The following SMARCAL1 variants were observed in gnomAD, a reference collection of about 807,000 sequenced individuals.
SMARCAL1 encodes the protein ATP-driven annealing helicase.
In SMARCAL1, 58 loss-of-function variants were observed where a neutral mutation model predicts 94.5. That is an observed-to-expected ratio of 0.61 (90% CI 0.50 to 0.76). The LOEUF is 0.76. Among genes scored for constraint, SMARCAL1 ranks in the 30% least tolerant of loss-of-function variants. The probability of loss-of-function intolerance (pLI) is 0.00; values close to 1 mark genes in which losing one functional copy is unlikely to be tolerated. For missense variants in SMARCAL1, 1,051 were observed against 1,177.9 expected (o/e 0.89, Z 1.58); for synonymous variants, 422 against 455.1 (o/e 0.93, Z 0.93).
chr2:216,482,681 G>C lies in SMARCAL1; in HGVS notation c.2626-57G>C. The C allele has an allele frequency of 6.2e-7, 1 of 1,613,292 alleles. No individual in the cohort carries two copies. Among genetic ancestry groups the C allele is most frequent in the Admixed American group, 1.7e-5 (1 of 60,012 alleles). ...CTCTCATCAGCCCTAGTGGAGGAGA[G>C]TCAGTGTTGGAGCCTGGGCTCTTCC... On this transcript the variant is annotated intron_variant, in intron 17 of 17. Transcript: ENST00000357276. This position sits in a 1 kb window ranked among gnomAD's most constrained non-coding sequence, Gnocchi z 4.3.
intron 12 of SMARCAL1, among the ~76,000 whole-genome samples, chr2:216,462,123 C>T (rs1694719764): frequency 6.6e-6 from 1 of 152,220 alleles, no homozygotes; most frequent in African/African-American, 2.4e-5. Context: ...ACCATCCCAC[C>T]AGTCAAGTAT....
rs781763742 is a variant in SMARCAL1, at chr2:216,475,436, GT to G, written c.2416del (p.Trp806GlyfsTer6). On this transcript the variant is annotated frameshift_variant, in exon 15 of 18. Coordinates refer to ENST00000357276, the MANE Select transcript of SMARCAL1 (RefSeq NM_014140.4). LOFTEE classifies it high-confidence loss of function. The surrounding 1 kb of genome is among the most constrained non-coding windows in gnomAD (Gnocchi z 4.4). ...CTGACCTGGTGGTGTTTGCTGAGCT[GT>G]TTTGGAACCCAGGGGTAAGAGACGC... ...SADLVVFAEL[F>X]WNPGVLIQAE... The G allele has an allele frequency of 3.7e-6, 6 of 1,614,214 alleles. No individual in the cohort carries two copies. The highest frequency in any genetic ancestry group is 5.1e-6 in the Non-Finnish European group (6 of 1,180,034).
At chr2:216,445,299 G>A (rs901298819) in intron 10 of SMARCAL1, among the ~76,000 whole-genome samples, 1 of 137,496 alleles carries the variant, frequency 7.3e-6, no homozygotes, top group African/African-American at 2.9e-5. Context: ...CATTACAGAC[G>A]AGATGCCATT....
At chr2:216,473,847 C>T (rs2106084221) in intron 14 of SMARCAL1, among the ~76,000 whole-genome samples, 1 of 152,190 alleles carries the variant, frequency 6.6e-6, no homozygotes, top group East Asian at 1.9e-4. Flanking sequence ...GAGCATTTTT[C>T]TTTGGGAAAT....
At position 216,475,042 on chromosome 2, in the gene SMARCAL1, C is replaced by T. The variant is rs949659712; in HGVS notation, c.2245-227C>T. On this transcript the variant is annotated intron_variant, in intron 14 of 17. Coordinates refer to ENST00000357276, the MANE Select transcript of SMARCAL1 (RefSeq NM_014140.4). This position sits in a 1 kb window ranked among gnomAD's most constrained non-coding sequence, Gnocchi z 4.4. The stretch of plus-strand genomic sequence containing the variant: ...TAGTTTTTATAGAATGTTACCACTG[C>T]AGGAAACTGGGCAAAGGCCTAAGAG... 1.3e-5 allele frequency among the ~76,000 whole-genome samples: 2 copies of T among 152,198 alleles called. No homozygotes were observed. Among genetic ancestry groups the T allele is most frequent in the African/African-American group, 4.8e-5 (2 of 41,460 alleles).
In SMARCAL1 at chr2:216,467,992, A is replaced by G. The variant is rs749148655; in HGVS notation, c.2190A>G (p.Val730=). The G allele has an allele frequency of 2.5e-6, 4 of 1,614,020 alleles. No individual in the cohort carries two copies. The highest frequency in any genetic ancestry group is 1.7e-6 in the Non-Finnish European group (2 of 1,179,882). ...LLESGREKFL[V]FAHHKVVLDA... ...AAAGTGGAAGAGAGAAGTTTTTAGT[A>G]TTTGCACACCATAAGGTGGTCCTGG... The change falls in exon 14 of 18, where the codon GTA becomes GTG. Residue 730 remains valine (V), a synonymous_variant. Coordinates refer to ENST00000357276, the MANE Select transcript of SMARCAL1 (RefSeq NM_014140.4).
At chr2:216,461,018 T>C (rs1453733556) in intron 12 of SMARCAL1, among the ~76,000 whole-genome samples, 2 of 151,806 alleles carry the variant, frequency 1.3e-5, no homozygotes, top group East Asian at 3.9e-4. Context: ...GAATGGTATG[T>C]ACAATAAAAT....
At position 216,415,064 on chromosome 2, in the gene SMARCAL1, T is replaced by C; in HGVS notation, c.360T>C (p.Thr120=). 1 of 1,614,250 alleles carries C rather than the reference T, an allele frequency of 6.2e-7. No individual in the cohort carries two copies. Among genetic ancestry groups the C allele is most frequent in the East Asian group, 2.2e-5 (1 of 44,890 alleles). ...GTCCACGTAGTCAAATGGCTCTCACTGGAATCTCTCCTCCCTTGGCACAAA... is the reference window on the plus strand; with the variant it reads ...GTCCACGTAGTCAAATGGCTCTCACCGGAATCTCTCCTCCCTTGGCACAAA... The part of the protein sequence containing the change: ...GHSPRSQMAL[T]GISPPLAQSP... The change falls in exon 3 of 18, where the codon ACT becomes ACC. Residue 120 remains threonine (T), a synonymous_variant. Coordinates refer to ENST00000357276, the MANE Select transcript of SMARCAL1 (RefSeq NM_014140.4).
At chr2:216,448,425 AT>A (rs1243323488) in intron 11 of SMARCAL1, among the ~76,000 whole-genome samples, 1 of 152,188 alleles carries the variant, frequency 6.6e-6, no homozygotes, top group Non-Finnish European at 1.5e-5. Flanking sequence ...GATAAAATTG[AT>A]TGCCTTTCTT....
chr2:216,468,110 C>A, intron 14 of SMARCAL1, 64 bp downstream of exon 14: 1 of 1,143,780 alleles, frequency 8.7e-7, no homozygotes, highest in Non-Finnish European at 1.3e-6. Context: ...TCTAAGCAGG[C>A]TTAGGTCAGA....
intron 16 of SMARCAL1, among the ~76,000 whole-genome samples, chr2:216,477,652 C>T (rs865890658): frequency 9.9e-5 from 15 of 152,180 alleles, no homozygotes; most frequent in African/African-American, 3.4e-4. Flanking sequence ...GTGGCTTACC[C>T]TGGACTGTGT....
At chr2:216,474,380 T>C (rs1695027291) in intron 14 of SMARCAL1, among the ~76,000 whole-genome samples, 1 of 142,306 alleles carries the variant, frequency 7.0e-6, no homozygotes, top group South Asian at 2.4e-4. Flanking sequence ...CCTCAGGTGA[T>C]CTACCTGCCT....
At position 216,475,537 on chromosome 2, in the gene SMARCAL1, G is replaced by A. The variant is rs942630752; in HGVS notation, c.2427+86G>A. ...AGTGAGTGTCGGTCGGGGAAAGTGT[G>A]GTTTCCCTTTTATCCATTCATTATA... On this transcript the variant is annotated intron_variant, in intron 15 of 17. Coordinates refer to ENST00000357276, the MANE Select transcript of SMARCAL1 (RefSeq NM_014140.4). This position sits in a 1 kb window ranked among gnomAD's most constrained non-coding sequence, Gnocchi z 4.4. 4 of 1,395,382 alleles carry A rather than the reference G, an allele frequency of 2.9e-6. No individual in the cohort carries two copies. The African/African-American group carries it at 5.7e-5, about 20-fold the overall frequency. 86.4% of individuals were successfully genotyped at this position (1,395,382 alleles called of 1,614,324 possible). A position where few individuals can be genotyped will look rare whatever the true frequency, so the allele number is the denominator to read the frequency against.
chr2:216,426,070 C>T (rs969979873), intron 6 of SMARCAL1, among the ~76,000 whole-genome samples: 8 of 152,210 alleles, frequency 5.3e-5, no homozygotes, highest in Non-Finnish European at 1.2e-4. Context: ...CCATGTTGGC[C>T]AGGCTGGTCT....
chr2:216,433,691 G>A (rs1449716127), intron 8 of SMARCAL1, among the ~76,000 whole-genome samples: 2 of 151,946 alleles, frequency 1.3e-5, no homozygotes, highest in East Asian at 1.9e-4. Context: ...TTTTTTTGCT[G>A]TAAATCCAGG....
At chr2:216,469,827 A>G (rs1694923179) in intron 14 of SMARCAL1, among the ~76,000 whole-genome samples, 1 of 152,300 alleles carries the variant, frequency 6.6e-6, no homozygotes, top group African/African-American at 2.4e-5. Flanking sequence ...GGTCATTCAC[A>G]TTTATAATCT....
At chr2:216,417,052 C>T (rs936983673) in intron 4 of SMARCAL1, among the ~76,000 whole-genome samples, 1 of 152,184 alleles carries the variant, frequency 6.6e-6, no homozygotes, top group African/African-American at 2.4e-5. Context: ...CCCCAGCTGC[C>T]ATTTCTACAC....
At position 216,458,169 on chromosome 2, in the gene SMARCAL1, C is replaced by A. The variant is rs561636690; in HGVS notation, c.2071-6428C>A. Among the ~76,000 whole-genome samples the A allele has an allele frequency of 5.2e-3, 787 of 152,188 alleles. 6 individuals carry two copies. Among genetic ancestry groups the A allele is most frequent in the Middle Eastern group, 0.01 (3 of 294 alleles). ...AATCTCTGAATAGACCAATAACAGG[C>A]TCTGAAATTGAGGCAATAATTAATA... On this transcript the variant is annotated intron_variant, in intron 12 of 17. Coordinates refer to ENST00000357276, the MANE Select transcript of SMARCAL1 (RefSeq NM_014140.4).
In SMARCAL1 at chr2:216,482,679, G is replaced by A; in HGVS notation, c.2626-59G>A. 6.2e-7 allele frequency: 1 copy of A among 1,612,666 alleles called. No individual in the cohort carries two copies. Among genetic ancestry groups the A allele is most frequent in the Non-Finnish European group, 8.5e-7 (1 of 1,178,908 alleles). On this transcript the variant is annotated intron_variant, in intron 17 of 17. Transcript: ENST00000357276. The surrounding 1 kb of genome is among the most constrained non-coding windows in gnomAD (Gnocchi z 4.3). ...TTCTCTCATCAGCCCTAGTGGAGGAGAGTCAGTGTTGGAGCCTGGGCTCTT... is the reference window on the plus strand; with the variant it reads ...TTCTCTCATCAGCCCTAGTGGAGGAAAGTCAGTGTTGGAGCCTGGGCTCTT...
Sources: allele counts gnomAD v4.1 joint callset (sites outside exome capture counted in the v4.1 genomes callset), GRCh38; gene constraint gnomAD v4.1.1; non-coding constraint Gnocchi (gnomAD v3.1); transcripts MANE v1.5; gene names NCBI Gene and HGNC (gene_info 2026-07-23, HGNC 2026-07-21).